Variants in APBA2 observed in about 807,000 individuals in gnomAD.
APBA2 encodes amyloid-beta A4 precursor protein-binding family A member 2.
Under a neutral mutation model 75.0 loss-of-function variants are expected in APBA2, and 30 were observed. The observed-to-expected ratio is 0.40, with a 90% CI of 0.30 to 0.54. The LOEUF is 0.54. APBA2 is among the 20% of genes least tolerant of loss of function. APBA2 has a pLI of 0.49. For synonymous variants in APBA2, 444 were observed against 409.6 expected, an observed-to-expected ratio of 1.08 and a Z score of -1.01; for missense variants, 801 against 1,016.1, an observed-to-expected ratio of 0.79 and a Z score of 2.88.
chr15:28,957,856 C>T (rs930972940), intron 2 of APBA2, among the ~76,000 whole-genome samples: 2 of 152,176 alleles, frequency 1.3e-5, no homozygotes, highest in African/African-American at 4.8e-5. Flanking sequence ...ACAATATGTC[C>T]AGGGTGCCAT....
At chr15:29,011,577 T>C (rs1264023057) in intron 3 of APBA2, among the ~76,000 whole-genome samples, 2 of 152,252 alleles carry the variant, frequency 1.3e-5, no homozygotes, top group Non-Finnish European at 2.9e-5. Flanking sequence ...GACTATCCCA[T>C]GTGCCCTTGT....
At chr15:29,001,243 T>A (rs2038828589) in intron 3 of APBA2, among the ~76,000 whole-genome samples, 1 of 152,126 alleles carries the variant, frequency 6.6e-6, no homozygotes, top group Non-Finnish European at 1.5e-5. Context: ...AGACAGGGTC[T>A]CACTCTGTCA....
At chr15:29,095,936 C>A (rs2043829284) in intron 8 of APBA2, among the ~76,000 whole-genome samples, 1 of 152,220 alleles carries the variant, frequency 6.6e-6, no homozygotes, top group Non-Finnish European at 1.5e-5. Flanking sequence ...AGCAGGGAGT[C>A]CCTACGGACT....
At chr15:28,981,156 A>G (rs2037601383) in intron 2 of APBA2, among the ~76,000 whole-genome samples, 1 of 152,224 alleles carries the variant, frequency 6.6e-6, no homozygotes, top group Admixed American at 6.5e-5. Context: ...TTGCAACAAA[A>G]ACAAAAATCA....
intron 1 of APBA2, among the ~76,000 whole-genome samples, chr15:28,898,723 A>G (rs1254538930): frequency 6.6e-6 from 1 of 152,236 alleles, no homozygotes; most frequent in East Asian, 1.9e-4. Context: ...AGAGCAGTTC[A>G]TGATCTTGGA....
intron 10 of APBA2, chr15:29,102,583 C>T (rs1329737011): frequency 1.3e-5 from 2 of 152,408 alleles, no homozygotes; most frequent in East Asian, 3.9e-4. Context: ...TTGCGAAACC[C>T]TAGTCTCTAC....
At chr15:29,103,235 C>T (rs1243528201) in intron 10 of APBA2, among the ~76,000 whole-genome samples, 1 of 152,178 alleles carries the variant, frequency 6.6e-6, no homozygotes, top group Non-Finnish European at 1.5e-5. Context: ...GCAGCCGATG[C>T]GGAGGGTTAA....
chr15:29,065,497 A>G (rs1479330939), intron 4 of APBA2, among the ~76,000 whole-genome samples: 2 of 152,192 alleles, frequency 1.3e-5, no homozygotes, highest in Admixed American at 1.3e-4. Flanking sequence ...GGGCTGACCT[A>G]TTAGAATAAC....
In APBA2 at chr15:29,113,764, C is replaced by T. The variant is rs751893546; in HGVS notation, c.2038-112C>T. ...TGTGAGTCAGCGAATTGCACGTGCA[C>T]GTATTCATCATGTGGCGCTTTTCCC... On this transcript the variant is annotated intron_variant, in intron 13 of 14. Coordinates refer to ENST00000683413, the MANE Select transcript of APBA2 (RefSeq NM_001353788.2). The T allele has an allele frequency of 2.2e-4, 310 of 1,378,062 alleles. No homozygotes were observed. The Middle Eastern group carries it at 5.0e-3, about 22-fold the overall frequency. The allele number at this position is 1,378,062 out of a possible 1,614,324, so 85.4% of individuals were successfully genotyped here.
chr15:29,020,122 C>A (rs138666294), intron 3 of APBA2, among the ~76,000 whole-genome samples: 1 of 152,036 alleles, frequency 6.6e-6, no homozygotes, highest in African/African-American at 2.4e-5. Context: ...TGGGGTTATT[C>A]GTCTTTTTCT....
intron 1 of APBA2, among the ~76,000 whole-genome samples, chr15:28,910,525 G>A (rs1402886383): frequency 6.6e-6 from 1 of 152,184 alleles, no homozygotes. Context: ...ATGAAGATCC[G>A]AGTATTTCCC....
At chr15:28,976,170 A>T (rs982728789) in intron 2 of APBA2, among the ~76,000 whole-genome samples, 2 of 152,216 alleles carry the variant, frequency 1.3e-5, no homozygotes, top group African/African-American at 4.8e-5. Context: ...CCCTCTGGAA[A>T]TGACCTTTGT....
chr15:29,076,250 C>G (rs925736179), intron 6 of APBA2, among the ~76,000 whole-genome samples, 159 bp downstream of exon 6: 3 of 152,126 alleles, frequency 2.0e-5, no homozygotes, highest in African/African-American at 7.2e-5. Context: ...ACTGTGTAGC[C>G]CCACTTAGTG....
intron 2 of APBA2, among the ~76,000 whole-genome samples, chr15:28,947,321 G>T (rs1343925477): frequency 6.6e-6 from 1 of 152,202 alleles, no homozygotes; most frequent in Non-Finnish European, 1.5e-5. Context: ...CTCTGTGGGT[G>T]TATTGGCTGC....
Position 29,096,349 on chromosome 15 carries a change from C to T in APBA2, c.1251+2036C>T, listed in dbSNP as rs150469382. 6.3e-3 allele frequency among the ~76,000 whole-genome samples: 966 copies of T among 152,300 alleles called. 11 individuals are homozygous for T. The highest frequency in any genetic ancestry group is 0.022 in the African/African-American group (903 of 41,570). On this transcript the variant is annotated intron_variant, in intron 8 of 14. Coordinates refer to ENST00000683413, the MANE Select transcript of APBA2 (RefSeq NM_001353788.2). ...CTGGAGGCTGGGTGGCTTCAGGCTG[C>T]CCCTCTTCTCCCATCCAGGGATCCC... is the stretch of plus-strand genomic sequence containing the variant.
intron 2 of APBA2, among the ~76,000 whole-genome samples, chr15:28,966,972 C>T (rs147277023): frequency 6.6e-6 from 1 of 152,156 alleles, no homozygotes; most frequent in African/African-American, 2.4e-5. Flanking sequence ...AGTACCTTAT[C>T]GTATGACATA....
intron 3 of APBA2, among the ~76,000 whole-genome samples, chr15:29,025,812 G>A (rs1367793336): frequency 7.2e-5 from 11 of 152,008 alleles, no homozygotes; most frequent in African/African-American, 2.4e-4. Context: ...TTAGCCAGGC[G>A]TGGTGGTGGG....
rs2041741974 is a variant in APBA2, at chr15:29,054,002, G to A, written c.118G>A (p.Gly40Ser). ...CGAGGACATGGAGCTGCCCTTGGAG[G>A]GCTATGTGCCCGAGGGCCTGGAGCT... ...ESEDMELPLE[G>S]YVPEGLELAA... The change falls in exon 4 of 15, where the codon GGC becomes AGC. Residue 40 changes from glycine (G) to serine (S), a missense_variant. Physicochemically the swap from Gly to Ser is moderately conservative, Grantham distance 56. This residue lies in a region of APBA2 where 434 missense variants were observed against 471.6 expected (regional missense o/e 0.92). Coordinates refer to ENST00000683413, the MANE Select transcript of APBA2 (RefSeq NM_001353788.2). This position sits in a 1 kb window ranked among gnomAD's most constrained non-coding sequence, Gnocchi z 6.1. 5.6e-6 allele frequency: 9 copies of A among 1,613,848 alleles called. No homozygotes were observed. Among genetic ancestry groups the A allele is most frequent in the Non-Finnish European group, 4.2e-6 (5 of 1,180,016 alleles).
chr15:29,076,077 C>T lies in APBA2; in HGVS notation c.1055C>T (p.Pro352Leu). Residue 352 changes from proline to leucine, a missense_variant, in exon 6 of 15, where the codon CCA (proline) becomes CTA (leucine). Physicochemically the swap from Pro to Leu is moderately conservative, Grantham distance 98 (BLOSUM62 -3). Around this residue, in one of 2 missense-constraint regions of APBA2, gnomAD observed 434 missense variants for 471.6 expected, o/e 0.92. Transcript: ENST00000683413. ...CAGACAAAGAAGGTGGCATCATTTCCAAGTTTTGTGGCTGGTAAGTGACTT... is the reference window on the plus strand; with the variant it reads ...CAGACAAAGAAGGTGGCATCATTTCTAAGTTTTGTGGCTGGTAAGTGACTT... Reference protein sequence around the residue: ...IPETKKVASFPSFVAVPGPCE... With the variant: ...IPETKKVASFLSFVAVPGPCE... 6.2e-7 allele frequency: 1 copy of T among 1,614,096 alleles called. No individual in the cohort carries two copies. The highest frequency in any genetic ancestry group is 8.5e-7 in the Non-Finnish European group (1 of 1,179,998).
Sources: allele counts gnomAD v4.1 joint callset (sites outside exome capture counted in the v4.1 genomes callset), GRCh38; gene constraint gnomAD v4.1.1; regional missense constraint gnomAD v4.1.1; non-coding constraint Gnocchi (gnomAD v3.1); transcripts MANE v1.5; gene names NCBI Gene and HGNC (gene_info 2026-07-23, HGNC 2026-07-21).